Variants in BID observed in about 807,000 individuals in gnomAD.
BID encodes the protein BH3 interacting domain death agonist.
A neutral mutation model predicts 17.4 loss-of-function variants in BID; 19 were observed. The observed-to-expected ratio is 1.09, with a 90% confidence interval of 0.76 to 1.60. BID has a LOEUF of 1.60. Ranked by LOEUF, BID falls within the 40% of genes most tolerant of loss-of-function variation. The pLI is 0.00. For missense variants in BID, 226 were observed against 256.0 expected, an observed-to-expected ratio of 0.88 and a Z score of 0.80; for synonymous variants, 108 against 102.8, an observed-to-expected ratio of 1.05 and a Z score of -0.31.
At chr22:17,746,818 G>A (rs901278612) in intron 2 of BID, among the ~76,000 whole-genome samples, 6 of 152,200 alleles carry the variant, frequency 3.9e-5, no homozygotes, top group Middle Eastern at 3.4e-3. Flanking sequence ...GGAAGCAGCC[G>A]GGCAACATGG....
rs536450993 is a variant in BID, at chr22:17,734,544, T to C, written c.*1036A>G. 6.6e-6 allele frequency: 1 copy of C among 152,320 alleles called. No individual in the cohort carries two copies. Among genetic ancestry groups the C allele is most frequent in the African/African-American group, 2.4e-5 (1 of 41,572 alleles). 9.4% of individuals were successfully genotyped at this position (152,320 alleles called of 1,614,324 possible). A position where few individuals can be genotyped will look rare whatever the true frequency, so the allele number is the denominator to read the frequency against. On this transcript the variant is annotated 3_prime_UTR_variant, in exon 6 of 6. Coordinates refer to ENST00000622694, the MANE Select transcript of BID (RefSeq NM_001196.4). ...GTTTCTAAAGCTAAGCTTTTCCTTATTTATTTTGGTACTACCTAAGTGACT... is the reference window on the plus strand; with the variant it reads ...GTTTCTAAAGCTAAGCTTTTCCTTACTTATTTTGGTACTACCTAAGTGACT...
intron 1 of BID, among the ~76,000 whole-genome samples, chr22:17,757,449 C>T (rs2061600234): frequency 1.3e-5 from 2 of 149,440 alleles, no homozygotes; most frequent in African/African-American, 5.0e-5. Context: ...TCGCTCATGC[C>T]TGTAATCTCA....
At chr22:17,744,535 G>A (rs1362602904) in intron 2 of BID, among the ~76,000 whole-genome samples, 3 of 152,246 alleles carry the variant, frequency 2.0e-5, no homozygotes, top group Non-Finnish European at 4.4e-5. Context: ...AACTACTGCG[G>A]AGTGGTGACC....
chr22:17,739,618 G>A, intron 3 of BID, 130 bp from the exon 4 acceptor site: 2 of 1,232,832 alleles, frequency 1.6e-6, no homozygotes, highest in Non-Finnish European at 2.2e-6. Context: ...CTGGGCACGT[G>A]CTCCACTCCA....
rs898528677 is a variant in BID, at chr22:17,734,620, A to C, written c.*960T>G. 2.0e-5 allele frequency: 3 copies of C among 152,246 alleles called. No individual in the cohort carries two copies. Among genetic ancestry groups the C allele is most frequent in the African/African-American group, 7.2e-5 (3 of 41,472 alleles). The allele number at this position is 152,246 out of a possible 1,614,324, so 9.4% of individuals were successfully genotyped here. Reference sequence around the variant, plus strand: ...GAACCACTTTGCTGAATTTTTAAAAAGTCCAACTGCTCTTTCATCTTTTAT... The same window carrying C: ...GAACCACTTTGCTGAATTTTTAAAACGTCCAACTGCTCTTTCATCTTTTAT... On this transcript the variant is annotated 3_prime_UTR_variant, in exon 6 of 6. Coordinates refer to ENST00000622694, the MANE Select transcript of BID (RefSeq NM_001196.4).
At chr22:17,766,304 T>G (rs1418302509) in intron 1 of BID, among the ~76,000 whole-genome samples, 1 of 148,440 alleles carries the variant, frequency 6.7e-6, no homozygotes, top group Non-Finnish European at 1.5e-5. Context: ...TTTTTTGAGA[T>G]GGAGTCTCAC....
intron 1 of BID, among the ~76,000 whole-genome samples, chr22:17,759,622 G>A (rs1277104477): frequency 6.6e-6 from 1 of 152,112 alleles, no homozygotes; most frequent in Non-Finnish European, 1.5e-5. Context: ...TCAGAAGGCT[G>A]CAGTGGGAGG....
intron 4 of BID, among the ~76,000 whole-genome samples, chr22:17,738,503 C>A (rs1432835797): frequency 6.6e-6 from 1 of 152,180 alleles, no homozygotes; most frequent in Admixed American, 6.5e-5. Flanking sequence ...GTCATCCCTG[C>A]GCCCAAGGCA....
intron 2 of BID, among the ~76,000 whole-genome samples, chr22:17,747,600 C>T (rs958696502): frequency 2.6e-5 from 4 of 151,630 alleles, no homozygotes; most frequent in African/African-American, 4.8e-5. Flanking sequence ...GGATTACTGG[C>T]GTGAGCCACC....
At chr22:17,771,134 C>G (rs144829505) in intron 1 of BID, among the ~76,000 whole-genome samples, 1 of 152,152 alleles carries the variant, frequency 6.6e-6, no homozygotes, top group African/African-American at 2.4e-5. Context: ...GAGTCTCGCT[C>G]TGTCCCCCAG....
At chr22:17,759,881 G>C (rs971809616) in intron 1 of BID, among the ~76,000 whole-genome samples, 1 of 151,948 alleles carries the variant, frequency 6.6e-6, no homozygotes. Context: ...GGTGGCTCAC[G>C]CCTGTAATCC....
In BID at chr22:17,751,753, C is replaced by G. The variant is rs571775680; in HGVS notation, c.-58-1579G>C. Among the ~76,000 whole-genome samples, 11 of 152,338 alleles carry G rather than the reference C, an allele frequency of 7.2e-5. No individual in the cohort carries two copies. In the South Asian group the frequency reaches 8.3e-4, roughly 11 times the overall value. ...CCCTCTGGGGAGCCCAGGAGAAACC[C>G]TGGCTGTGTGTGGCCGTGCATTTCA... On this transcript the variant is annotated intron_variant, in intron 1 of 5. Coordinates refer to ENST00000622694, the MANE Select transcript of BID (RefSeq NM_001196.4).
intron 5 of BID, 84 bp from the exon 6 acceptor site, chr22:17,735,675 A>AGAAAGGAGAAAAAGCCAGAATC: frequency 6.5e-7 from 1 of 1,548,428 alleles, no homozygotes; most frequent in Non-Finnish European, 8.9e-7. Context: ...CAGTAGAGCA[A>AGAAAGGAGAAAAAGCCAGAATC]AGCTGGGGTT....
chr22:17,736,092 G>A (rs2061417521), intron 5 of BID, among the ~76,000 whole-genome samples: 1 of 152,156 alleles, frequency 6.6e-6, no homozygotes, highest in African/African-American at 2.4e-5. Context: ...TTTCTTATGA[G>A]TTCTCAGTAG....
chr22:17,765,509 G>A (rs138121672), intron 1 of BID, among the ~76,000 whole-genome samples: 240 of 152,124 alleles, frequency 1.6e-3, no homozygotes, highest in African/African-American at 5.4e-3. Context: ...GCTTTATTTT[G>A]GTACAGTACA....
At chr22:17,772,973 C>T in intron 1 of BID, among the ~76,000 whole-genome samples, 1 of 152,192 alleles carries the variant, frequency 6.6e-6, no homozygotes, top group Non-Finnish European at 1.5e-5. Context: ...CACCTCGCCC[C>T]AGCCACGGCA....
At chr22:17,738,577 G>A (rs1174132777) in intron 4 of BID, among the ~76,000 whole-genome samples, 1 of 152,138 alleles carries the variant, frequency 6.6e-6, no homozygotes, top group Non-Finnish European at 1.5e-5. Context: ...TGCAGACCTA[G>A]CTGAATGGAC....
chr22:17,753,628 A>AC (rs1181513003), intron 1 of BID, among the ~76,000 whole-genome samples: 2 of 152,242 alleles, frequency 1.3e-5, no homozygotes, highest in Admixed American at 1.3e-4. Context: ...CGCCCTGGAA[A>AC]CCACAGAGGC....
In BID at chr22:17,756,789, G is replaced by A. The variant is rs184596491; in HGVS notation, c.-58-6615C>T. On this transcript the variant is annotated intron_variant, in intron 1 of 5. Transcript: ENST00000622694. ...TGGGGTTTCACTATGTTGGCCAGGC[G>A]GGTCTCAAACTCCTGACCTTGCGAT... Among the ~76,000 whole-genome samples the A allele has an allele frequency of 1.6e-4, 25 of 151,740 alleles. No individual in the cohort carries two copies. In the South Asian group the frequency reaches 4.4e-3, roughly 27 times the overall value.
Sources: allele counts gnomAD v4.1 joint callset (sites outside exome capture counted in the v4.1 genomes callset), GRCh38; gene constraint gnomAD v4.1.1; transcripts MANE v1.5; gene names NCBI Gene and HGNC (gene_info 2026-07-23, HGNC 2026-07-21).